SNAP29: variants seen among roughly 807,000 people sequenced by gnomAD.
SNAP29 encodes synaptosomal-associated protein 29.
Under a neutral mutation model 27.9 loss-of-function variants are expected in SNAP29, and 13 were observed. That is an observed-to-expected ratio of 0.47 (90% CI 0.30 to 0.74). SNAP29 has a LOEUF of 0.74. SNAP29 is among the 30% of genes least tolerant of loss of function. SNAP29 has a pLI of 0.06. For synonymous variants in SNAP29, 119 were observed against 127.1 expected, an observed-to-expected ratio of 0.94 and a Z score of 0.43; for missense variants, 368 against 336.5, an observed-to-expected ratio of 1.09 and a Z score of -0.73.
rs1929068290 is a variant in SNAP29 at position 20,888,306 on chromosome 22, ATCAT to A, written c.*474_*477del. 1 of 221,340 alleles carries A rather than the reference ATCAT, an allele frequency of 4.5e-6. No individual in the cohort carries two copies. The highest frequency in any genetic ancestry group is 8.0e-6 in the Non-Finnish European group (1 of 125,152). The allele number at this position is 221,340 out of a possible 1,614,324, so 13.7% of individuals were successfully genotyped here. On this transcript the variant is annotated 3_prime_UTR_variant, in exon 5 of 5. Coordinates refer to ENST00000215730, the MANE Select transcript of SNAP29 (RefSeq NM_004782.4). ...CTTCCCACACCTTTGTTTAGGAGTC[ATCAT>A]TCACACACACACACACACACACACA...
chr22:20,862,893 G>A (rs180952009), intron 1 of SNAP29, among the ~76,000 whole-genome samples: 314 of 151,930 alleles, frequency 2.1e-3, no homozygotes, highest in African/African-American at 6.7e-3. Context: ...TTTTGTTTTG[G>A]GGGAGGTTTT....
At chr22:20,874,743 T>G (rs1928700169) in intron 2 of SNAP29, among the ~76,000 whole-genome samples, 1 of 152,142 alleles carries the variant, frequency 6.6e-6, no homozygotes, top group African/African-American at 2.4e-5. Flanking sequence ...TCAACCCTAA[T>G]TTTAAACATC....
At chr22:20,887,187 T>G (rs1162043985) in intron 4 of SNAP29, among the ~76,000 whole-genome samples, 1 of 150,048 alleles carries the variant, frequency 6.7e-6, no homozygotes, top group Non-Finnish European at 1.5e-5. Context: ...ATCATGGCAC[T>G]GCACTCCAGC....
intron 3 of SNAP29, 109 bp from the exon 4 acceptor site, chr22:20,883,362 C>A: frequency 1.3e-6 from 1 of 759,334 alleles, no homozygotes; most frequent in Non-Finnish European, 2.3e-6. Flanking sequence ...CAGAACCAAC[C>A]CCTTCGTTCC....
rs922506028 is a variant in SNAP29 at position 20,885,499 on chromosome 22, T to C, written c.619+1930T>C. On this transcript the variant is annotated intron_variant, in intron 4 of 4. Coordinates refer to ENST00000215730, the MANE Select transcript of SNAP29 (RefSeq NM_004782.4). Reference sequence around the variant, plus strand: ...GGTGTGTCTGCCCAGATCTAACCACTCCAGAGAAGCCCAGAGAGGCGTGAA... The same window carrying C: ...GGTGTGTCTGCCCAGATCTAACCACCCCAGAGAAGCCCAGAGAGGCGTGAA... Among the ~76,000 whole-genome samples, 27 of 152,020 alleles carry C rather than the reference T, an allele frequency of 1.8e-4. No homozygotes were observed. The South Asian group carries it at 3.5e-3, about 20-fold the overall frequency.
At chr22:20,883,655 C>G (rs763625717) in intron 4 of SNAP29, 86 bp downstream of exon 4, 7 of 851,116 alleles carry the variant, frequency 8.2e-6, no homozygotes, top group Non-Finnish European at 1.4e-5. Context: ...GAGCATCCTC[C>G]AGCTTCAGTT....
chr22:20,888,311 T>TCACACACA lies in SNAP29; in HGVS notation c.*513_*520dup, dbSNP rs575240461. ...CACACCTTTGTTTAGGAGTCATCATTCACACACACACACACACACACACAC... is the reference window on the plus strand; with the variant it reads ...CACACCTTTGTTTAGGAGTCATCATTCACACACACACACACACACACACACACACACAC... On this transcript the variant is annotated 3_prime_UTR_variant, in exon 5 of 5. Coordinates refer to ENST00000215730, the MANE Select transcript of SNAP29 (RefSeq NM_004782.4). 312 of 174,630 alleles carry TCACACACA rather than the reference T, an allele frequency of 1.8e-3. No individual in the cohort carries two copies. Among genetic ancestry groups the TCACACACA allele is most frequent in the African/African-American group, 7.1e-3 (211 of 29,818 alleles). The allele number at this position is 174,630 out of a possible 1,614,324, so 10.8% of individuals were successfully genotyped here. A position where few individuals can be genotyped will look rare whatever the true frequency, so the allele number is the denominator to read the frequency against.
chr22:20,885,422 T>C (rs1490358751), intron 4 of SNAP29, among the ~76,000 whole-genome samples: 1 of 152,146 alleles, frequency 6.6e-6, no homozygotes, highest in Non-Finnish European at 1.5e-5. Context: ...TGCCACCTCC[T>C]TCTATGCCCT....
chr22:20,862,407 A>C (rs165598), intron 1 of SNAP29, among the ~76,000 whole-genome samples: 83,163 of 152,004 alleles, frequency 0.55, 24,484 homozygotes, highest in African/African-American at 0.77. Flanking sequence ...GGAAGACAGG[A>C]AAATATGCAA....
chr22:20,885,214 TC>T (rs1014153218), intron 4 of SNAP29, among the ~76,000 whole-genome samples: 2 of 152,068 alleles, frequency 1.3e-5, no homozygotes, highest in Non-Finnish European at 2.9e-5. Context: ...AGCAGAAATC[TC>T]CCCCGTGGTG....
At chr22:20,871,178 C>A (rs891221254) in intron 2 of SNAP29, 1 of 151,890 alleles carries the variant, frequency 6.6e-6, no homozygotes, top group South Asian at 2.1e-4. Flanking sequence ...TAATCCAATT[C>A]GCCCATTGAT....
chr22:20,866,152 A>G (rs1928454610), intron 1 of SNAP29, among the ~76,000 whole-genome samples: 1 of 152,256 alleles, frequency 6.6e-6, no homozygotes, highest in Admixed American at 6.5e-5. Context: ...CTGCTGAGCT[A>G]GCCTTTTGCT....
At chr22:20,883,880 C>T (rs1318268872) in intron 4 of SNAP29, among the ~76,000 whole-genome samples, 2 of 152,142 alleles carry the variant, frequency 1.3e-5, no homozygotes, top group Non-Finnish European at 2.9e-5. Flanking sequence ...CCCACCTGGC[C>T]ACTCAGAGCC....
intron 4 of SNAP29, among the ~76,000 whole-genome samples, chr22:20,885,193 G>T (rs1334868434): frequency 6.6e-6 from 1 of 152,126 alleles, no homozygotes; most frequent in Non-Finnish European, 1.5e-5. Flanking sequence ...TCCTCCTACC[G>T]CTACTCCCTG....
intron 2 of SNAP29, among the ~76,000 whole-genome samples, chr22:20,871,479 C>G (rs1258459863): frequency 2.0e-5 from 2 of 98,536 alleles, no homozygotes; most frequent in South Asian, 6.3e-4. Context: ...GTCTCCCTGT[C>G]TCTAAAAAAA....
At chr22:20,869,581 G>A (rs1162862022) in intron 1 of SNAP29, among the ~76,000 whole-genome samples, 1 of 152,170 alleles carries the variant, frequency 6.6e-6, no homozygotes, top group Non-Finnish European at 1.5e-5. Flanking sequence ...TTTGACCATG[G>A]CCAGGAGGCT....
intron 1 of SNAP29, chr22:20,859,565 G>C: frequency 1.7e-6 from 1 of 586,030 alleles, no homozygotes. Flanking sequence ...ATCTTCCTTA[G>C]CTATTAGTCT....
At chr22:20,875,867 A>C (rs1263703764) in intron 2 of SNAP29, among the ~76,000 whole-genome samples, 1 of 151,666 alleles carries the variant, frequency 6.6e-6, no homozygotes, top group Non-Finnish European at 1.5e-5. Context: ...CCAAAAAAAA[A>C]AATGGGGGGG....
chr22:20,876,989 T>A (rs891028284), intron 2 of SNAP29, among the ~76,000 whole-genome samples: 4 of 152,180 alleles, frequency 2.6e-5, no homozygotes, highest in Non-Finnish European at 5.9e-5. Flanking sequence ...TGTTCTCATT[T>A]CCACTTACAG....
Sources: gnomAD v4.1 joint callset for allele counts (sites outside exome capture counted in the v4.1 genomes callset) on GRCh38, gnomAD v4.1.1 for gene constraint, MANE v1.5 for transcripts, NCBI Gene and HGNC (gene_info 2026-07-23, HGNC 2026-07-21) for gene names.